SLC10A6: variants seen among roughly 807,000 people sequenced by gnomAD.
SLC10A6 encodes the protein sodium-dependent organic anion transporter.
Under a neutral mutation model 30.0 loss-of-function variants are expected in SLC10A6, and 27 were observed. The ratio of observed to expected loss-of-function variants is 0.90; its 90% CI spans 0.66 to 1.24. The LOEUF (loss-of-function observed/expected upper bound fraction) is 1.24. Ranked by LOEUF, SLC10A6 falls within the 50% of genes most tolerant of loss-of-function variation. The pLI, the probability that SLC10A6 is intolerant of heterozygous loss-of-function variation, is 0.00. For missense variants in SLC10A6, 439 were observed against 457.0 expected, an observed-to-expected ratio of 0.96 and a Z score of 0.36; for synonymous variants, 166 against 173.8, an observed-to-expected ratio of 0.95 and a Z score of 0.36.
chr4:86,835,363 CTA>C (rs1746162291), intron 1 of SLC10A6, among the ~76,000 whole-genome samples: 1 of 152,054 alleles, frequency 6.6e-6, no homozygotes, highest in Non-Finnish European at 1.5e-5. Flanking sequence ...TCGTGTGATC[CTA>C]TGATTAGAAA....
intron 1 of SLC10A6, among the ~76,000 whole-genome samples, chr4:86,842,948 A>G (rs1355023055): frequency 6.9e-6 from 1 of 145,848 alleles, no homozygotes; most frequent in East Asian, 2.0e-4. Flanking sequence ...CTCGGCTCAC[A>G]GCAACCTCTG....
At position 86,823,895 on chromosome 4, in the gene SLC10A6, C is replaced by T; in HGVS notation, c.927G>A (p.Gln309=). The T allele has an allele frequency of 6.2e-6, 10 of 1,607,538 alleles. No homozygotes were observed. The highest frequency in any genetic ancestry group is 8.5e-6 in the Non-Finnish European group (10 of 1,176,632). ...IDGFLIVAAY[Q]TYKRRLKNKH... ...TGTTCTTCAATCTCCTCTTGTACGT[C>T]TGATATGCTAGGTGTTAAAACATAC... The change falls in exon 6 of 6, where the codon CAG becomes CAA. Residue 309 remains glutamine, a synonymous_variant. Coordinates refer to ENST00000273905, the MANE Select transcript of SLC10A6 (RefSeq NM_197965.3).
Position 86,849,073 on chromosome 4 carries a change from T to C in SLC10A6, c.43A>G (p.Ser15Gly). Reference sequence around the variant, plus strand: ...CCCACTGGCAGCTCCTCCTCTGAACTGTTGGCAGGGCAGGCTGAGCTGCTG... The same window carrying C: ...CCCACTGGCAGCTCCTCCTCTGAACCGTTGGCAGGGCAGGCTGAGCTGCTG... ...CSSSSACPAN[S>G]SEEELPVGLE... The change falls in exon 1 of 6, where the codon AGT becomes GGT. Residue 15 changes from serine (S) to glycine (G), a missense_variant. Transcript: ENST00000273905. The C allele has an allele frequency of 6.2e-7, 1 of 1,614,116 alleles. No individual in the cohort carries two copies. The highest frequency in any genetic ancestry group is 8.5e-7 in the Non-Finnish European group (1 of 1,179,988).
At chr4:86,847,052 C>A (rs1746405198) in intron 1 of SLC10A6, among the ~76,000 whole-genome samples, 1 of 152,128 alleles carries the variant, frequency 6.6e-6, no homozygotes, top group Non-Finnish European at 1.5e-5. Context: ...TGCTGCTATT[C>A]AAAACAGAAG....
At chr4:86,836,796 C>T (rs866271925) in intron 1 of SLC10A6, among the ~76,000 whole-genome samples, 34 of 152,044 alleles carry the variant, frequency 2.2e-4, no homozygotes, top group African/African-American at 8.0e-4. Context: ...CCCACTCTGT[C>T]GCCCAGGCTG....
chr4:86,844,193 A>C (rs558948810), intron 1 of SLC10A6, among the ~76,000 whole-genome samples: 35 of 152,166 alleles, frequency 2.3e-4, no homozygotes, highest in Non-Finnish European at 4.0e-4. Flanking sequence ...AAATCAAAAT[A>C]AAAATTAAAA....
intron 1 of SLC10A6, among the ~76,000 whole-genome samples, chr4:86,845,380 G>A (rs535673248): frequency 9.1e-4 from 139 of 152,312 alleles, no homozygotes; most frequent in African/African-American, 3.0e-3. Flanking sequence ...GGGACTAGTG[G>A]AATAAAAGAA....
intron 1 of SLC10A6, among the ~76,000 whole-genome samples, chr4:86,837,323 A>AGGGAGGGAGGGAGGAAG (rs1560460472): frequency 7.1e-6 from 1 of 141,554 alleles, no homozygotes; most frequent in Admixed American, 6.9e-5. Flanking sequence ...GGAAGGAAGG[A>AGGGAGGGAGGGAGGAAG]AGGAAGGAAG....
chr4:86,845,960 AG>A (rs1282830756), intron 1 of SLC10A6, among the ~76,000 whole-genome samples: 9 of 152,232 alleles, frequency 5.9e-5, no homozygotes, highest in African/African-American at 1.9e-4. Flanking sequence ...TGCATGAAGC[AG>A]GAGTGAAGGC....
rs1246457839 is a variant in SLC10A6, at chr4:86,825,277, G to T, written c.919+143C>A. 9 of 657,536 alleles carry T rather than the reference G, an allele frequency of 1.4e-5. No homozygotes were observed. In the South Asian group the frequency reaches 2.4e-4, roughly 18 times the overall value. 40.7% of individuals were successfully genotyped at this position (657,536 alleles called of 1,614,324 possible). On this transcript the variant is annotated intron_variant, in intron 5 of 5. Coordinates refer to ENST00000273905, the MANE Select transcript of SLC10A6 (RefSeq NM_197965.3). ...GTGCGCCAAACTATCCTGTCTATGT[G>T]CCTTATCGTCCCCAGAAATGTCAGG... is the stretch of plus-strand genomic sequence containing the variant.
Position 86,828,127 on chromosome 4 carries a change from T to C in SLC10A6, c.627A>G (p.Ala209=), listed in dbSNP as rs142660121. 24 of 1,613,450 alleles carry C rather than the reference T, an allele frequency of 1.5e-5. No individual in the cohort carries two copies. The highest frequency in any genetic ancestry group is 3.3e-5 in the South Asian group (3 of 91,016). Residue 209 remains alanine, a synonymous_variant, in exon 4 of 6, where the codon GCA becomes GCG. Transcript: ENST00000273905. ...CTTTCGCCAGGACCACACCAGCAACTGCGACCACCAGAAGGAGGACCCCAC... is the reference window on the plus strand; with the variant it reads ...CTTTCGCCAGGACCACACCAGCAACCGCGACCACCAGAAGGAGGACCCCAC... The part of the protein sequence containing the change: ...VVGGVLLLVV[A]VAGVVLAKGS...
intron 4 of SLC10A6, among the ~76,000 whole-genome samples, chr4:86,826,545 T>C (rs1746004104): frequency 1.7e-5 from 1 of 60,004 alleles, no homozygotes; most frequent in African/African-American, 6.3e-5. Context: ...CAACGAGGTC[T>C]CAATAAATAA....
rs1009285934 is a variant in SLC10A6, at chr4:86,827,993, C to G, written c.761G>C (p.Arg254Thr). The change falls in exon 4 of 6, where the codon AGG (arginine) becomes ACG (threonine). Residue 254 changes from arginine (R) to threonine (T), a missense_variant and splice_region_variant. Coordinates refer to ENST00000273905, the MANE Select transcript of SLC10A6 (RefSeq NM_197965.3). ...AAGTTTATGGATAGTTTAACTATAC[C>G]TTTGCCAAGACTGGTGGGTAAAAAG... ...LALFTHQSWQ[R>T]CRTISLETGA... The G allele has an allele frequency of 6.2e-7, 1 of 1,612,426 alleles. No homozygotes were observed. The highest frequency in any genetic ancestry group is 8.5e-7 in the Non-Finnish European group (1 of 1,179,396).
At chr4:86,835,749 G>C (rs777649737) in intron 1 of SLC10A6, among the ~76,000 whole-genome samples, 7 of 126,804 alleles carry the variant, frequency 5.5e-5, no homozygotes, top group African/African-American at 8.2e-5. Context: ...GAAAGAAAGA[G>C]AGAGAGAGAG....
rs150562318 is a variant in SLC10A6, at chr4:86,848,828, T to C, written c.288A>G (p.Gln96=). The change falls in exon 1 of 6, where the codon CAA becomes CAG. Residue 96 remains glutamine, a synonymous_variant. Transcript: ENST00000273905. ...LAISFSLKPV[Q]AIAVLIMGCC... ...AGCCCATGATGAGAACAGCAATAGC[T>C]TGGACTGGCTTCAGAGAAAAGCTAA... 313 of 1,614,058 alleles carry C rather than the reference T, an allele frequency of 1.9e-4. No homozygotes were observed. Among genetic ancestry groups the C allele is most frequent in the Non-Finnish European group, 2.6e-4 (302 of 1,180,030 alleles).
At chr4:86,845,961 G>A (rs1331269946) in intron 1 of SLC10A6, among the ~76,000 whole-genome samples, 1 of 152,218 alleles carries the variant, frequency 6.6e-6, no homozygotes, top group African/African-American at 2.4e-5. Flanking sequence ...GCATGAAGCA[G>A]GAGTGAAGGC....
intron 1 of SLC10A6, among the ~76,000 whole-genome samples, chr4:86,837,316 A>AGTAG (rs1746215458): frequency 6.8e-5 from 10 of 147,444 alleles, no homozygotes; most frequent in Non-Finnish European, 1.3e-4. Context: ...GAAGGAAGGA[A>AGTAG]GGAAGGAAGG....
rs755930779 is a variant in SLC10A6, at chr4:86,848,793, C to A, written c.323G>T (p.Gly108Val). 1.9e-6 allele frequency: 3 copies of A among 1,612,812 alleles called. No individual in the cohort carries two copies. Among genetic ancestry groups the A allele is most frequent in the Admixed American group, 1.7e-5 (1 of 59,856 alleles). Residue 108 changes from glycine to valine, a missense_variant, in exon 1 of 6, where the codon GGG (glycine) becomes GTG (valine). Transcript: ENST00000273905. ...IAVLIMGCCP[G>V]GTISNIFTFW... is the part of the protein sequence containing the mutation. ...GGTGAAAATGTTAGAGATGGTGCCC[C>A]CCGGGCAGCAGCCCATGATGAGAAC...
At position 86,833,456 on chromosome 4, in the gene SLC10A6, G is replaced by A. The variant is rs745646395; in HGVS notation, c.378-32C>T. 2.7e-6 allele frequency: 4 copies of A among 1,500,058 alleles called. No individual in the cohort carries two copies. The Admixed American group carries it at 6.7e-5, about 25-fold the overall frequency. 92.9% of individuals were successfully genotyped at this position (1,500,058 alleles called of 1,614,324 possible). A position where few individuals can be genotyped will look rare whatever the true frequency, so the allele number is the denominator to read the frequency against. On this transcript the variant is annotated intron_variant, in intron 1 of 5. Coordinates refer to ENST00000273905, the MANE Select transcript of SLC10A6 (RefSeq NM_197965.3). ...GTAAAATTAATACAATGCTTAGGAG[G>A]GAGCATTGGACATGAAGAATTTAGT...
Sources: allele counts gnomAD v4.1 joint callset (sites outside exome capture counted in the v4.1 genomes callset), GRCh38; gene constraint gnomAD v4.1.1; transcripts MANE v1.5; gene names NCBI Gene and HGNC (gene_info 2026-07-23, HGNC 2026-07-21).